The following DISP2 variants were observed in gnomAD, a reference collection of about 807,000 sequenced individuals.
DISP2 encodes the protein protein dispatched homolog 2.
A neutral mutation model predicts 95.5 loss-of-function variants in DISP2; 59 were observed. The observed-to-expected ratio is 0.62, with a 90% CI of 0.50 to 0.77. DISP2 has a LOEUF of 0.77. DISP2 is among the 30% of genes least tolerant of loss of function. The pLI is 0.00. For missense variants in DISP2, 1,752 were observed against 1,854.6 expected (o/e 0.94, Z 1.02); for synonymous variants, 827 against 815.0 (o/e 1.01, Z -0.25).
chr15:40,365,374 A>C, intron 6 of DISP2, 100 bp downstream of exon 6: 2 of 1,520,628 alleles, frequency 1.3e-6, no homozygotes, highest in Non-Finnish European at 1.8e-6. Context: ...CAGAAAGGGA[A>C]GGTGGCCAGC....
rs1889638575 is a variant in DISP2 at position 40,371,178 on chromosome 15, T to A, written c.*860T>A. ...TGAGACTAAGTAAGATGAACTGACCTCAGGGTCACTTAGCCACTAAATGGC... is the reference window on the plus strand; with the variant it reads ...TGAGACTAAGTAAGATGAACTGACCACAGGGTCACTTAGCCACTAAATGGC... On this transcript the variant is annotated 3_prime_UTR_variant, in exon 8 of 8. Coordinates refer to ENST00000267889, the MANE Select transcript of DISP2 (RefSeq NM_033510.3). The A allele has an allele frequency of 6.6e-6, 1 of 152,590 alleles. No individual in the cohort carries two copies. Among genetic ancestry groups the A allele is most frequent in the South Asian group, 2.1e-4 (1 of 4,854 alleles). The allele number at this position is 152,590 out of a possible 1,614,324, so 9.5% of individuals were successfully genotyped here. A position where few individuals can be genotyped will look rare whatever the true frequency, so the allele number is the denominator to read the frequency against.
chr15:40,377,442 A>G lies in DISP2; in HGVS notation c.*7124A>G, dbSNP rs1486858418. On this transcript the variant is annotated 3_prime_UTR_variant, in exon 8 of 8. Transcript: ENST00000267889. ...CAACCAAACAGTAAATACATGAAATAATGAGTTTCAAGACACTGGACATGA... is the reference window on the plus strand; with the variant it reads ...CAACCAAACAGTAAATACATGAAATGATGAGTTTCAAGACACTGGACATGA... The G allele has an allele frequency of 6.6e-6, 1 of 152,254 alleles. No homozygotes were observed. Among genetic ancestry groups the G allele is most frequent in the Non-Finnish European group, 1.5e-5 (1 of 68,048 alleles). 9.4% of individuals were successfully genotyped at this position (152,254 alleles called of 1,614,324 possible).
In DISP2 at chr15:40,369,430, C is replaced by T. The variant is rs1425406702; in HGVS notation, c.3318C>T (p.Phe1106=). 4 of 1,613,534 alleles carry T rather than the reference C, an allele frequency of 2.5e-6. 1 individual carries two copies. In the South Asian group the frequency reaches 4.4e-5, roughly 18 times the overall value. The change falls in exon 8 of 8, where the codon TTC becomes TTT. Residue 1106 remains phenylalanine (F), a synonymous_variant. Transcript: ENST00000267889. ...TCAGTTGTGGCTTTGCCAGCTTCTT[C>T]TTCCAATCTCTCTGCTGTTTCTTCG... is the stretch of plus-strand genomic sequence containing the variant. ...KCVSCGFASF[F]FQSLCCFFGP... is the part of the protein sequence containing the mutation.
In DISP2 at chr15:40,374,185, C is replaced by A. The variant is rs529203086; in HGVS notation, c.*3867C>A. 6.7e-6 allele frequency: 1 copy of A among 148,602 alleles called. No individual in the cohort carries two copies. The highest frequency in any genetic ancestry group is 1.5e-5 in the Non-Finnish European group (1 of 67,546). 9.2% of individuals were successfully genotyped at this position (148,602 alleles called of 1,614,324 possible). A position where few individuals can be genotyped will look rare whatever the true frequency, so the allele number is the denominator to read the frequency against. ...ATAGCATATCCCATACCATGATATG[C>A]GGGCAATATTCCAGCTTGAGACAAT... On this transcript the variant is annotated 3_prime_UTR_variant, in exon 8 of 8. Coordinates refer to ENST00000267889, the MANE Select transcript of DISP2 (RefSeq NM_033510.3).
chr15:40,365,603 T>G, intron 6 of DISP2, 25 bp from the exon 7 acceptor site: 1 of 1,613,380 alleles, frequency 6.2e-7, no homozygotes, highest in Non-Finnish European at 8.5e-7. Context: ...AGGACTGAGC[T>G]CCAGGTTGCG....
At chr15:40,358,466 G>C (rs780729380) in intron 1 of DISP2, 26 bp downstream of exon 1, 46 of 1,256,730 alleles carry the variant, frequency 3.7e-5, no homozygotes, top group Middle Eastern at 2.0e-4. Context: ...CCGCAGATCC[G>C]TATCACAGAC....
Position 40,363,941 on chromosome 15 carries a change from G to A in DISP2, c.436G>A (p.Val146Met), listed in dbSNP as rs776339006. 2 of 1,529,502 alleles carry A rather than the reference G, an allele frequency of 1.3e-6. No homozygotes were observed. The highest frequency in any genetic ancestry group is 2.3e-5 in the East Asian group (1 of 44,096). The allele number at this position is 1,529,502 out of a possible 1,614,324, so 94.7% of individuals were successfully genotyped here. The change falls in exon 2 of 8, where the codon GTG (valine) becomes ATG (methionine). Residue 146 changes from valine (V) to methionine (M), a missense_variant. By Grantham distance (21) the Val-to-Met change is conservative (BLOSUM62 1). Around this residue, in one of 5 missense-constraint regions of DISP2, gnomAD observed 342 missense variants for 364.3 expected, o/e 0.94. Coordinates refer to ENST00000267889, the MANE Select transcript of DISP2 (RefSeq NM_033510.3). Reference protein sequence around the residue: ...TWKPPAVQHHVVSVRQERAFQ... With the variant: ...TWKPPAVQHHMVSVRQERAFQ... ...GAAGCCACCCGCTGTGCAGCACCAT[G>A]TGGTCAGCGTCAGGTAAGGAGGGGT...
chr15:40,369,823 T>C lies in DISP2; in HGVS notation c.3711T>C (p.Tyr1237=). The part of the protein sequence containing the change: ...QCPALQTSSP[Y]KQAGPSPKTR... The stretch of plus-strand genomic sequence containing the variant: ...CTGCCCTGCAGACCTCCTCCCCCTA[T>C]AAGCAGGCTGGCCCCAGCCCCAAAA... The change falls in exon 8 of 8, where the codon TAT becomes TAC. Residue 1237 remains tyrosine, a synonymous_variant. Transcript: ENST00000267889. The C allele has an allele frequency of 6.3e-7, 1 of 1,585,390 alleles. No homozygotes were observed. Among genetic ancestry groups the C allele is most frequent in the African/African-American group, 1.3e-5 (1 of 74,490 alleles).
chr15:40,377,792 T>G lies in DISP2; in HGVS notation c.*7474T>G, dbSNP rs572433443. ...CAAAGGAAAGGACCACCCAAAACAA[T>G]GGGCCGGAACAGTAGCCAGAAGTCA... On this transcript the variant is annotated 3_prime_UTR_variant, in exon 8 of 8. Coordinates refer to ENST00000267889, the MANE Select transcript of DISP2 (RefSeq NM_033510.3). The G allele has an allele frequency of 6.6e-6, 1 of 152,550 alleles. No homozygotes were observed. The highest frequency in any genetic ancestry group is 1.5e-5 in the Non-Finnish European group (1 of 68,178). The allele number at this position is 152,550 out of a possible 1,614,324, so 9.4% of individuals were successfully genotyped here.
chr15:40,364,567 G>A (rs769968876), intron 4 of DISP2, 23 bp downstream of exon 4: 13 of 1,609,844 alleles, frequency 8.1e-6, no homozygotes, highest in Admixed American at 3.3e-5. Context: ...GGGGTGGGAC[G>A]GGGTCCCCAG....
chr15:40,363,882 C>G lies in DISP2; in HGVS notation c.377C>G (p.Pro126Arg). 2 of 1,589,710 alleles carry G rather than the reference C, an allele frequency of 1.3e-6. No individual in the cohort carries two copies. Among genetic ancestry groups the G allele is most frequent in the Non-Finnish European group, 1.7e-6 (2 of 1,165,440 alleles). Residue 126 changes from proline (P) to arginine (R), a missense_variant, in exon 2 of 8, where the codon CCT (proline) becomes CGT (arginine). Physicochemically the swap from Pro to Arg is moderately radical, Grantham distance 103. This residue lies in a region of DISP2 where 342 missense variants were observed against 364.3 expected (regional missense o/e 0.94). Coordinates refer to ENST00000267889, the MANE Select transcript of DISP2 (RefSeq NM_033510.3). ...TGCTCCCACGGCTCCAGCCTCAGCC[C>G]TTCTCCAGCCCCCTCACAGCGCGAT... ...ALCSHGSSLS[P>R]SPAPSQRDGT...
chr15:40,370,752 T>C lies in DISP2; in HGVS notation c.*434T>C. ...CTGACCAGAGGAGCCCGCAGCAATCTCCACAGCCTCCTGGGTCTCACCCCT... is the reference window on the plus strand; with the variant it reads ...CTGACCAGAGGAGCCCGCAGCAATCCCCACAGCCTCCTGGGTCTCACCCCT... On this transcript the variant is annotated 3_prime_UTR_variant, in exon 8 of 8. Transcript: ENST00000267889. The C allele has an allele frequency of 2.3e-6, 1 of 436,392 alleles. No homozygotes were observed. The highest frequency in any genetic ancestry group is 4.6e-6 in the Non-Finnish European group (1 of 215,698). 27.0% of individuals were successfully genotyped at this position (436,392 alleles called of 1,614,324 possible). A position where few individuals can be genotyped will look rare whatever the true frequency, so the allele number is the denominator to read the frequency against.
Position 40,370,576 on chromosome 15 carries a change from G to A in DISP2, c.*258G>A. ...TGCTGAGGGCTTGTCTGCTCCCACA[G>A]CACCATCTAAGACCCCTCCTCTAGA... is the stretch of plus-strand genomic sequence containing the variant. On this transcript the variant is annotated 3_prime_UTR_variant, in exon 8 of 8. Transcript: ENST00000267889. The A allele has an allele frequency of 1.4e-6, 1 of 690,050 alleles. No individual in the cohort carries two copies. Among genetic ancestry groups the A allele is most frequent in the South Asian group, 1.5e-5 (1 of 66,882 alleles). The allele number at this position is 690,050 out of a possible 1,614,324, so 42.7% of individuals were successfully genotyped here.
rs1456099082 is a variant in DISP2 at position 40,369,329 on chromosome 15, G to A, written c.3217G>A (p.Ala1073Thr). 1.2e-6 allele frequency: 2 copies of A among 1,613,274 alleles called. No individual in the cohort carries two copies. The highest frequency in any genetic ancestry group is 1.3e-5 in the African/African-American group (1 of 74,934). The change falls in exon 8 of 8, where the codon GCA becomes ACA. Residue 1073 changes from alanine to threonine, a missense_variant. Ala to Thr is a moderately conservative substitution (Grantham distance 58). Coordinates refer to ENST00000267889, the MANE Select transcript of DISP2 (RefSeq NM_033510.3). Reference sequence around the variant, plus strand: ...CGTGGGGGCTGCAGCCCTGTTTGCGGCAGGCGTGCTCATGCTGCCTGCCAC... The same window carrying A: ...CGTGGGGGCTGCAGCCCTGTTTGCGACAGGCGTGCTCATGCTGCCTGCCAC... ...TAVGAAALFAAGVLMLPATVL... is the reference protein window; with the variant it reads ...TAVGAAALFATGVLMLPATVL...
Position 40,363,912 on chromosome 15 carries a change from C to A in DISP2, c.407C>A (p.Thr136Asn). 6.4e-7 allele frequency: 1 copy of A among 1,557,548 alleles called. No individual in the cohort carries two copies. The highest frequency in any genetic ancestry group is 8.7e-7 in the Non-Finnish European group (1 of 1,149,982). The stretch of plus-strand genomic sequence containing the variant: ...CCAGCCCCCTCACAGCGCGATGGGA[C>A]CTGGAAGCCACCCGCTGTGCAGCAC... ...PSPAPSQRDG[T>N]WKPPAVQHHV... is the part of the protein sequence containing the mutation. The change falls in exon 2 of 8, where the codon ACC (threonine) becomes AAC (asparagine). Residue 136 changes from threonine (T) to asparagine (N), a missense_variant. This residue lies in a region of DISP2 where 342 missense variants were observed against 364.3 expected (regional missense o/e 0.94). Coordinates refer to ENST00000267889, the MANE Select transcript of DISP2 (RefSeq NM_033510.3).
intron 1 of DISP2, among the ~76,000 whole-genome samples, chr15:40,358,730 C>T (rs1889361061): frequency 6.6e-6 from 1 of 152,202 alleles, no homozygotes; most frequent in African/African-American, 2.4e-5. Flanking sequence ...TCCCTGGCTC[C>T]TCCGGCCCCT....
rs547606047 is a variant in DISP2, at chr15:40,370,629, G to C, written c.*311G>C. ...TGGGGAAGGCCAGATGTGTAGCTTC[G>C]GGTATCAGAGGAGGCTGACCTGGCC... On this transcript the variant is annotated 3_prime_UTR_variant, in exon 8 of 8. Transcript: ENST00000267889. The C allele has an allele frequency of 3.5e-6, 2 of 573,012 alleles. No homozygotes were observed. Among genetic ancestry groups the C allele is most frequent in the South Asian group, 1.5e-5 (1 of 65,630 alleles). The allele number at this position is 573,012 out of a possible 1,614,324, so 35.5% of individuals were successfully genotyped here.
chr15:40,360,946 A>AG, intron 1 of DISP2, among the ~76,000 whole-genome samples: 1 of 152,370 alleles, frequency 6.6e-6, no homozygotes, highest in South Asian at 2.1e-4. Context: ...ACAGTGCTCA[A>AG]GAAAAACCCG....
At chr15:40,363,992 A>G in intron 2 of DISP2, 38 bp downstream of exon 2, 1 of 1,513,066 alleles carries the variant, frequency 6.6e-7, no homozygotes, top group Non-Finnish European at 8.8e-7. Flanking sequence ...CTGCCACTGG[A>G]AAATGCGGTG....
Sources: gnomAD v4.1 joint callset for allele counts (sites outside exome capture counted in the v4.1 genomes callset) on GRCh38, gnomAD v4.1.1 for gene constraint, gnomAD v4.1.1 regional missense constraint, MANE v1.5 for transcripts, NCBI Gene and HGNC (gene_info 2026-07-23, HGNC 2026-07-21) for gene names.